The following TAF5L variants were observed in gnomAD, a reference collection of about 807,000 sequenced individuals.
TAF5L encodes the protein TAF5-like RNA polymerase II p300/CBP-associated factor-associated factor 65 kDa subunit 5L.
Under a neutral mutation model 51.3 loss-of-function variants are expected in TAF5L, and 7 were observed. The ratio of observed to expected loss-of-function variants is 0.14; its 90% confidence interval spans 0.08 to 0.26. The LOEUF (loss-of-function observed/expected upper bound fraction) is 0.26, where lower values mean the gene tolerates loss of function less well. Ranked by LOEUF, TAF5L falls within the 10% of genes least tolerant of loss-of-function variation. The probability of loss-of-function intolerance (pLI) is 1.00; values close to 1 mark genes in which losing one functional copy is unlikely to be tolerated. For synonymous variants in TAF5L, 291 were observed against 308.1 expected (o/e 0.94, Z 0.58); for missense variants, 575 against 758.9 (o/e 0.76, Z 2.85).
chr1:229,596,010 C>T (rs945612468), intron 4 of TAF5L, among the ~76,000 whole-genome samples: 3 of 152,140 alleles, frequency 2.0e-5, no homozygotes, highest in South Asian at 2.1e-4. Flanking sequence ...CATGGTGGCT[C>T]GCACTGTAAT....
chr1:229,606,939 A>G (rs1428862251), intron 3 of TAF5L: 1 of 985,276 alleles, frequency 1.0e-6, no homozygotes, highest in Admixed American at 6.2e-5. Flanking sequence ...TTTCCCTAGT[A>G]TCTTCCTTTG....
At chr1:229,596,674 T>C (rs1423621885) in intron 4 of TAF5L, among the ~76,000 whole-genome samples, 4 of 152,202 alleles carry the variant, frequency 2.6e-5, no homozygotes, top group Non-Finnish European at 5.9e-5. Context: ...ATACCATCTG[T>C]TTTCAAAATT....
In TAF5L at chr1:229,602,632, G is replaced by C; in HGVS notation, c.535C>G (p.Leu179Val). Residue 179 changes from leucine to valine, a missense_variant, in exon 4 of 5, where the codon CTC (leucine) becomes GTC (valine). By Grantham distance (32) the Leu-to-Val change is conservative. Transcript: ENST00000258281. The surrounding 1 kb of genome is among the most constrained non-coding windows in gnomAD (Gnocchi z 4.6). ...AGGGCAGTATTGTTGTCACTTTGGA[G>C]GTAGCGGATAAGGTAGTTGTAGCTG... The C allele has an allele frequency of 6.2e-7, 1 of 1,614,172 alleles. No homozygotes were observed. Among genetic ancestry groups the C allele is most frequent in the Non-Finnish European group, 8.5e-7 (1 of 1,180,038 alleles).
intron 4 of TAF5L, among the ~76,000 whole-genome samples, chr1:229,597,750 A>C (rs950058796): frequency 5.3e-5 from 8 of 152,240 alleles, no homozygotes; most frequent in African/African-American, 1.9e-4. Context: ...ATTATGAAAC[A>C]CACATGAAAT....
rs1441062867 is a variant in TAF5L, at chr1:229,625,694, C to T, written c.-4+191G>A. 6.8e-6 allele frequency among the ~76,000 whole-genome samples: 1 copy of T among 147,740 alleles called. No homozygotes were observed. The highest frequency in any genetic ancestry group is 2.4e-5 in the African/African-American group (1 of 40,844). On this transcript the variant is annotated intron_variant, in intron 1 of 4. Coordinates refer to ENST00000258281, the Ensembl canonical transcript of TAF5L. The surrounding 1 kb of genome is among the most constrained non-coding windows in gnomAD (Gnocchi z 4.0). Reference sequence around the variant, plus strand: ...GGACTCGGGAGGCCGAGGGCGGAGGCGCGGCCGTCGCGCCCGCGCAGAGCC... The same window carrying T: ...GGACTCGGGAGGCCGAGGGCGGAGGTGCGGCCGTCGCGCCCGCGCAGAGCC...
intron 1 of TAF5L, among the ~76,000 whole-genome samples, chr1:229,618,895 CT>C (rs1397704491): frequency 6.6e-6 from 1 of 152,204 alleles, no homozygotes; most frequent in Non-Finnish European, 1.5e-5. Flanking sequence ...ATCCCTCCCC[CT>C]GCCCCAATAA....
intron 1 of TAF5L, among the ~76,000 whole-genome samples, chr1:229,619,726 G>C (rs1665135005): frequency 1.3e-5 from 2 of 152,084 alleles, no homozygotes; most frequent in African/African-American, 4.8e-5. Flanking sequence ...GATCTAACCA[G>C]TCACTTTCCA....
chr1:229,619,554 G>C (rs2102765620), intron 1 of TAF5L, among the ~76,000 whole-genome samples: 1 of 152,308 alleles, frequency 6.6e-6, no homozygotes, highest in South Asian at 2.1e-4. Flanking sequence ...TCCAACATCA[G>C]CTGGGACCTC....
intron 3 of TAF5L, among the ~76,000 whole-genome samples, chr1:229,608,826 C>A (rs936581307): frequency 1.3e-5 from 2 of 151,988 alleles, no homozygotes; most frequent in African/African-American, 4.8e-5. Flanking sequence ...CACAGTGAGA[C>A]CCTGTCTCTA....
chr1:229,620,672 T>C lies in TAF5L; in HGVS notation c.-4+5213A>G, dbSNP rs146054275. Among the ~76,000 whole-genome samples the C allele has an allele frequency of 7.2e-5, 11 of 152,360 alleles. No homozygotes were observed. The East Asian group carries it at 2.1e-3, about 29-fold the overall frequency. Reference sequence around the variant, plus strand: ...TCGTGATCTTTTTGAATTTCTACTTTAATACTGTTTTACAGCACAGAAAAA... The same window carrying C: ...TCGTGATCTTTTTGAATTTCTACTTCAATACTGTTTTACAGCACAGAAAAA... On this transcript the variant is annotated intron_variant, in intron 1 of 4. Coordinates refer to ENST00000258281, the Ensembl canonical transcript of TAF5L.
intron 3 of TAF5L, chr1:229,606,323 A>G (rs955900679): frequency 2.9e-5 from 25 of 871,600 alleles, no homozygotes; most frequent in Middle Eastern, 5.8e-4. Context: ...CACTTAAAAT[A>G]TATTTTTTTC....
intron 3 of TAF5L, among the ~76,000 whole-genome samples, chr1:229,607,604 A>G (rs1267161240): frequency 1.3e-5 from 2 of 152,296 alleles, no homozygotes; most frequent in East Asian, 3.9e-4. Context: ...ACCGCCAACC[A>G]AATCACTTTC....
At chr1:229,624,913 A>G (rs891250653) in intron 1 of TAF5L, among the ~76,000 whole-genome samples, 1 of 152,164 alleles carries the variant, frequency 6.6e-6, no homozygotes, top group African/African-American at 2.4e-5. Flanking sequence ...ATCGCCTGAT[A>G]TAAGACACGC....
At chr1:229,624,833 G>T (rs562016018) in intron 1 of TAF5L, among the ~76,000 whole-genome samples, 46 of 152,244 alleles carry the variant, frequency 3.0e-4, no homozygotes, top group African/African-American at 1.1e-3. Context: ...AAGTAGAGCT[G>T]TGACCAGGAA....
intron 1 of TAF5L, among the ~76,000 whole-genome samples, chr1:229,620,247 G>T: frequency 6.6e-6 from 1 of 152,104 alleles, no homozygotes. Flanking sequence ...TCTCTTTAGA[G>T]AAGTGGTCTG....
intron 3 of TAF5L, among the ~76,000 whole-genome samples, chr1:229,605,128 A>ATATATATATATATT (rs1340196774): frequency 6.6e-4 from 96 of 145,154 alleles, no homozygotes; most frequent in African/African-American, 2.4e-3. Flanking sequence ...ATATATATGT[A>ATATATATATATATT]TTTTTTTTTT....
At chr1:229,607,541 C>T in intron 3 of TAF5L, 1 of 952,702 alleles carries the variant, frequency 1.0e-6, no homozygotes, top group Non-Finnish European at 1.2e-6. Flanking sequence ...TCAATCCATC[C>T]TTCAAGTGCT....
intron 4 of TAF5L, among the ~76,000 whole-genome samples, chr1:229,595,857 G>T (rs961327178): frequency 2.0e-5 from 3 of 152,148 alleles, no homozygotes; most frequent in African/African-American, 7.2e-5. Flanking sequence ...TAGAGATGGG[G>T]TTTCTCCATG....
intron 3 of TAF5L, 113 bp downstream of exon 3, chr1:229,609,993 T>C: frequency 1.2e-6 from 1 of 814,242 alleles, no homozygotes; most frequent in Non-Finnish European, 1.9e-6. Flanking sequence ...TTTTTTAATT[T>C]TTCTTTTTAC....
Sources: allele counts gnomAD v4.1 joint callset (sites outside exome capture counted in the v4.1 genomes callset), GRCh38; gene constraint gnomAD v4.1.1; non-coding constraint Gnocchi (gnomAD v3.1); transcripts MANE v1.5; gene names NCBI Gene and HGNC (gene_info 2026-07-23, HGNC 2026-07-21).